The following SDK2 variants were observed in gnomAD, a reference collection of about 807,000 sequenced individuals.
SDK2 encodes protein sidekick-2.
Under a neutral mutation model 253.9 loss-of-function variants are expected in SDK2, and 105 were observed. That is an observed-to-expected ratio of 0.41 (90% confidence interval 0.35 to 0.49). The LOEUF is 0.49. Among genes scored for constraint, SDK2 ranks in the 20% least tolerant of loss-of-function variants. The pLI is 0.06. For missense variants in SDK2, 2,608 were observed against 3,003.0 expected (o/e 0.87, Z 3.07); for synonymous variants, 1,249 against 1,234.9 (o/e 1.01, Z -0.24).
In SDK2 at chr17:73,419,173, T is replaced by C. The variant is rs775237906; in HGVS notation, c.2179A>G (p.Ile727Val). 1 of 1,612,208 alleles carries C rather than the reference T, an allele frequency of 6.2e-7. No individual in the cohort carries two copies. The highest frequency in any genetic ancestry group is 1.1e-5 in the South Asian group (1 of 90,490). The change falls in exon 16 of 45, where the codon ATC becomes GTC. Residue 727 changes from isoleucine (I) to valine (V), a missense_variant. Coordinates refer to ENST00000392650, the MANE Select transcript of SDK2 (RefSeq NM_001144952.2). The stretch of plus-strand genomic sequence containing the variant: ...CCCAGGGTGGACACCCACCTGATGA[T>C]GTAACCCTTGAGAATTCCATTCTGG... ...SHQNGILKGY[I>V]IRYCLAGLPV...
chr17:73,370,826 G>A (rs2062728732), intron 36 of SDK2, among the ~76,000 whole-genome samples: 1 of 152,036 alleles, frequency 6.6e-6, no homozygotes, highest in South Asian at 2.1e-4. Flanking sequence ...CACTTGGGAA[G>A]CTGAGAGAGG....
At chr17:73,463,971 G>A (rs781664801) in intron 3 of SDK2, among the ~76,000 whole-genome samples, 2 of 152,130 alleles carry the variant, frequency 1.3e-5, no homozygotes, top group Non-Finnish European at 2.9e-5. Flanking sequence ...CCAACTTGAC[G>A]CCAGCAGCCA....
chr17:73,380,974 G>A (rs1307464628), intron 33 of SDK2, 24 bp from the exon 34 acceptor site: 17 of 1,373,390 alleles, frequency 1.2e-5, no homozygotes, highest in South Asian at 3.7e-5. Flanking sequence ...GTGCCGGGGC[G>A]GGGGCGCAGA....
intron 42 of SDK2, 133 bp from the exon 43 acceptor site, chr17:73,350,508 G>T (rs2062527567): frequency 1.4e-6 from 2 of 1,421,882 alleles, no homozygotes; most frequent in Non-Finnish European, 9.4e-7. Flanking sequence ...GAGATTGTGT[G>T]TAGAAACCCT....
Position 73,426,208 on chromosome 17 carries a change from CTTTTTT to C in SDK2, c.1584-2122_1584-2117del, listed in dbSNP as rs751417057. ...TACAGGCCTGCACCACCATGCTGGG[CTTTTTT>C]TTTTTTTTTTTTTTTTTTTTTTCTG... On this transcript the variant is annotated intron_variant, in intron 12 of 44. Coordinates refer to ENST00000392650, the MANE Select transcript of SDK2 (RefSeq NM_001144952.2). Among the ~76,000 whole-genome samples, 266 of 29,144 alleles carry C rather than the reference CTTTTTT, an allele frequency of 9.1e-3. 1 individual carries two copies. The highest frequency in any genetic ancestry group is 0.012 in the East Asian group (10 of 836). The allele number at this position is 29,144 out of a possible 152,430, so 19.1% of individuals were successfully genotyped here.
At chr17:73,595,418 G>A (rs1201100016) in intron 1 of SDK2, among the ~76,000 whole-genome samples, 1 of 152,142 alleles carries the variant, frequency 6.6e-6, no homozygotes, top group Non-Finnish European at 1.5e-5. Flanking sequence ...TGTGTGCCAG[G>A]GCCTGGGAAG....
chr17:73,456,815 G>A (rs1007150554), intron 3 of SDK2, among the ~76,000 whole-genome samples: 1 of 152,230 alleles, frequency 6.6e-6, no homozygotes, highest in Non-Finnish European at 1.5e-5. Context: ...TGCCGGGGCG[G>A]GACAAGGGGG....
At chr17:73,526,004 T>A (rs774660478) in intron 1 of SDK2, among the ~76,000 whole-genome samples, 10 of 152,122 alleles carry the variant, frequency 6.6e-5, no homozygotes, top group African/African-American at 1.2e-4. Context: ...CACTTGGCAG[T>A]GGGACAAGTG....
chr17:73,348,761 C>G, intron 43 of SDK2, 36 bp from the exon 44 acceptor site: 3 of 1,587,066 alleles, frequency 1.9e-6, no homozygotes, highest in Non-Finnish European at 2.6e-6. Flanking sequence ...GAGAGGTGCA[C>G]TCACTCAGAG....
intron 1 of SDK2, among the ~76,000 whole-genome samples, chr17:73,527,439 G>C (rs115449252): frequency 6.6e-6 from 1 of 152,204 alleles, no homozygotes; most frequent in African/African-American, 2.4e-5. Flanking sequence ...GCAGGGTAGG[G>C]AGTTTGGAGG....
chr17:73,412,060 GTATATATACGTATATATGTATATGTATA>G (rs2063138191), intron 18 of SDK2, among the ~76,000 whole-genome samples: 1 of 17,182 alleles, frequency 5.8e-5, no homozygotes, highest in African/African-American at 1.4e-4. Context: ...ATACGTATAT[GTATATATACGTATATATGTATATGTATA>G]TATACGTATA....
rs753625971 is a variant in SDK2, at chr17:73,368,436, G to T, written c.5138C>A (p.Thr1713Asn). ...FNAAGDGPRS[T>N]PTQGQTQQAA... The stretch of plus-strand genomic sequence containing the variant: ...TTGCTGGGTCTGGCCTTGGGTGGGG[G>T]TGCTCCGAGGCCCATCCCCAGCGGC... Residue 1713 changes from threonine (T) to asparagine (N), a missense_variant, in exon 37 of 45, where the codon ACC (threonine) becomes AAC (asparagine). Around this residue, in one of 2 missense-constraint regions of SDK2, gnomAD observed 1,103 missense variants for 1,143.9 expected, o/e 0.96. Transcript: ENST00000392650. The T allele has an allele frequency of 6.3e-6, 10 of 1,592,020 alleles. No homozygotes were observed. The East Asian group carries it at 9.1e-5, about 15-fold the overall frequency.
chr17:73,564,465 T>C (rs2045282265), intron 1 of SDK2, among the ~76,000 whole-genome samples: 1 of 152,200 alleles, frequency 6.6e-6, no homozygotes, highest in South Asian at 2.1e-4. Flanking sequence ...CTAATTCCAC[T>C]GGATGTACGT....
At position 73,338,936 on chromosome 17, in the gene SDK2, C is replaced by A; in HGVS notation, c.6170G>T (p.Ser2057Ile). ...TGAGTCGACCTCGTACTCGCTGTCA[C>A]TTCCCTGGGAGGACAGAGAATCAGG... ...KPSEISDSQG[S>I]DSEYEVDSNH... The change falls in exon 45 of 45, where the codon AGT becomes ATT. Residue 2057 changes from serine to isoleucine, a missense_variant. Coordinates refer to ENST00000392650, the MANE Select transcript of SDK2 (RefSeq NM_001144952.2). This position sits in a 1 kb window ranked among gnomAD's most constrained non-coding sequence, Gnocchi z 5.0. 2.5e-6 allele frequency: 4 copies of A among 1,613,886 alleles called. No individual in the cohort carries two copies. Among genetic ancestry groups the A allele is most frequent in the Non-Finnish European group, 3.4e-6 (4 of 1,179,752 alleles).
At chr17:73,339,059 G>A (rs2062408711) in intron 44 of SDK2, 119 bp from the exon 45 acceptor site, 1 of 889,566 alleles carries the variant, frequency 1.1e-6, no homozygotes, top group African/African-American at 1.7e-5. Flanking sequence ...TTCAAGACTT[G>A]GACTGTGGGC....
intron 18 of SDK2, among the ~76,000 whole-genome samples, chr17:73,409,901 C>T (rs1192599538): frequency 6.6e-6 from 1 of 152,154 alleles, no homozygotes; most frequent in Non-Finnish European, 1.5e-5. Flanking sequence ...GTCACTCGGG[C>T]TGGAGTGCAG....
intron 1 of SDK2, among the ~76,000 whole-genome samples, chr17:73,521,754 G>C (rs549112487): frequency 2.8e-5 from 4 of 143,184 alleles, no homozygotes; most frequent in East Asian, 4.8e-4. Context: ...CAGACTGCTC[G>C]AGACAGAGTC....
chr17:73,425,409 C>T (rs2063273467), intron 12 of SDK2, among the ~76,000 whole-genome samples: 1 of 152,264 alleles, frequency 6.6e-6, no homozygotes, highest in Admixed American at 6.5e-5. Context: ...CCCGGATAGG[C>T]AGTGCACTGC....
At chr17:73,579,653 C>T (rs952840793) in intron 1 of SDK2, among the ~76,000 whole-genome samples, 1 of 152,030 alleles carries the variant, frequency 6.6e-6, no homozygotes, top group African/African-American at 2.4e-5. Flanking sequence ...TAGGATGGGC[C>T]CTAATCCAAT....
Sources: gnomAD v4.1 joint callset for allele counts (sites outside exome capture counted in the v4.1 genomes callset) on GRCh38, gnomAD v4.1.1 for gene constraint, gnomAD v4.1.1 regional missense constraint, Gnocchi (gnomAD v3.1) non-coding constraint, MANE v1.5 for transcripts, NCBI Gene and HGNC (gene_info 2026-07-23, HGNC 2026-07-21) for gene names.